NAALADL2: variants seen among roughly 807,000 people sequenced by gnomAD.
NAALADL2 encodes inactive N-acetylated-alpha-linked acidic dipeptidase-like protein 2.
In NAALADL2, 76 loss-of-function variants were observed where a neutral mutation model predicts 87.2. The ratio of observed to expected loss-of-function variants is 0.87; its 90% CI spans 0.72 to 1.05. The LOEUF is 1.05. NAALADL2 is among the 50% of genes least tolerant of loss of function. The pLI is 0.00. For synonymous variants in NAALADL2, 354 were observed against 331.0 expected, an observed-to-expected ratio of 1.07 and a Z score of -0.75; for missense variants, 1,089 against 945.8, an observed-to-expected ratio of 1.15 and a Z score of -1.99.
chr3:175,097,501 G>A (rs9875611), intron 2 of NAALADL2, among the ~76,000 whole-genome samples: 61,863 of 151,862 alleles, frequency 0.41, 13,021 homozygotes, highest in Non-Finnish European at 0.47. Context: ...AGTTTTATTA[G>A]TTACTAGTAA....
intron 11 of NAALADL2, among the ~76,000 whole-genome samples, chr3:175,649,572 C>T (rs1730469805): frequency 6.6e-6 from 1 of 152,004 alleles, no homozygotes; most frequent in Non-Finnish European, 1.5e-5. Flanking sequence ...TAAGAGTCTC[C>T]CCTTGGGTTG....
chr3:174,853,630 A>G (rs1049838560), intron 3 of NAALADL2, among the ~76,000 whole-genome samples: 3 of 152,154 alleles, frequency 2.0e-5, no homozygotes, highest in Non-Finnish European at 2.9e-5. Context: ...TTTGGAAACT[A>G]TTCATCTGAT....
intron 11 of NAALADL2, among the ~76,000 whole-genome samples, chr3:175,698,886 G>T (rs1213889258): frequency 6.6e-6 from 1 of 151,728 alleles, no homozygotes; most frequent in Non-Finnish European, 1.5e-5. Context: ...CAGCATGATA[G>T]AAATCCAAAT....
At chr3:175,514,124 A>C (rs1024159871) in intron 9 of NAALADL2, among the ~76,000 whole-genome samples, 1 of 152,218 alleles carries the variant, frequency 6.6e-6, no homozygotes, top group Non-Finnish European at 1.5e-5. Context: ...GGTCATGGTT[A>C]AGATTAATGT....
At chr3:175,274,825 A>AT (rs750452311) in intron 4 of NAALADL2, among the ~76,000 whole-genome samples, 1 of 152,116 alleles carries the variant, frequency 6.6e-6, no homozygotes, top group Non-Finnish European at 1.5e-5. Context: ...CTGGGCCCAT[A>AT]TTTTTTACAT....
At chr3:174,513,336 A>C (rs1181239367) in intron 1 of NAALADL2, among the ~76,000 whole-genome samples, 2 of 152,202 alleles carry the variant, frequency 1.3e-5, no homozygotes, top group African/African-American at 4.8e-5. Context: ...ATTTATTCTA[A>C]GTATCTACTT....
intron 10 of NAALADL2, among the ~76,000 whole-genome samples, chr3:175,598,778 A>T (rs1044683119): frequency 2.0e-5 from 3 of 152,136 alleles, no homozygotes; most frequent in Non-Finnish European, 4.4e-5. Context: ...CAGGTTACTT[A>T]ATCCTTCACA....
At chr3:175,564,105 T>C (rs949595996) in intron 9 of NAALADL2, among the ~76,000 whole-genome samples, 36 of 152,154 alleles carry the variant, frequency 2.4e-4, no homozygotes, top group African/African-American at 8.2e-4. Context: ...CACATCCTTT[T>C]GCCCTTCTGT....
chr3:175,281,109 ACTT>A (rs1440222480), intron 4 of NAALADL2, among the ~76,000 whole-genome samples: 10 of 131,714 alleles, frequency 7.6e-5, no homozygotes, highest in African/African-American at 3.1e-4. Flanking sequence ...AATAATTAAA[ACTT>A]AAAAAAAATA....
At chr3:175,013,302 T>TA (rs1491529571) in intron 1 of NAALADL2, among the ~76,000 whole-genome samples, 1,141 of 54,510 alleles carry the variant, frequency 0.021, 17 homozygotes, top group Non-Finnish European at 0.031. Flanking sequence ...TATATATATA[T>TA]TTTTTTTTTT....
rs147233294 is a variant in NAALADL2, at chr3:174,977,010, G to A, written c.43+117560G>A. Among the ~76,000 whole-genome samples, 602 of 152,202 alleles carry A rather than the reference G, an allele frequency of 4.0e-3. 3 individuals are homozygous for A. The highest frequency in any genetic ancestry group is 0.014 in the African/African-American group (564 of 41,536). ...ATGTCTGCATTAATAATTATATTCT[G>A]GAGATCAAGTAGGTATGTGTGAGAT... On this transcript the variant is annotated intron_variant, in intron 1 of 13. Coordinates refer to ENST00000454872, the MANE Select transcript of NAALADL2 (RefSeq NM_207015.3).
At chr3:175,802,649 A>C (rs1480548016) in intron 13 of NAALADL2, among the ~76,000 whole-genome samples, 1 of 116,512 alleles carries the variant, frequency 8.6e-6, no homozygotes, top group Non-Finnish European at 1.6e-5. Context: ...ATTGTGGTAT[A>C]ATTTATTTTT....
intron 2 of NAALADL2, among the ~76,000 whole-genome samples, chr3:174,713,072 C>T (rs577409389): frequency 6.6e-6 from 1 of 151,860 alleles, no homozygotes; most frequent in African/African-American, 2.4e-5. Flanking sequence ...TTTGTCCTTG[C>T]AATAGTTTGC....
At chr3:175,217,205 C>G (rs1039657798) in intron 2 of NAALADL2, among the ~76,000 whole-genome samples, 1 of 152,136 alleles carries the variant, frequency 6.6e-6, no homozygotes, top group Non-Finnish European at 1.5e-5. Context: ...CCCAGCTAGG[C>G]ACATATGGCC....
chr3:175,227,302 T>C (rs1027012533), intron 2 of NAALADL2, among the ~76,000 whole-genome samples: 1 of 151,962 alleles, frequency 6.6e-6, no homozygotes, highest in Non-Finnish European at 1.5e-5. Flanking sequence ...GAATTTTGTC[T>C]ACTAAAGCCA....
chr3:175,478,168 T>C (rs1449561422), intron 9 of NAALADL2, among the ~76,000 whole-genome samples: 1 of 151,998 alleles, frequency 6.6e-6, no homozygotes, highest in African/African-American at 2.4e-5. Flanking sequence ...AATTCTGTTT[T>C]CTTATTTACC....
At chr3:175,310,135 A>G (rs1405553817) in intron 4 of NAALADL2, among the ~76,000 whole-genome samples, 2 of 152,202 alleles carry the variant, frequency 1.3e-5, no homozygotes, top group East Asian at 1.9e-4. Flanking sequence ...CTTTAATGAT[A>G]ATACTCATTT....
intron 5 of NAALADL2, among the ~76,000 whole-genome samples, chr3:175,360,917 G>A (rs946237322): frequency 6.6e-6 from 1 of 150,392 alleles, no homozygotes; most frequent in Non-Finnish European, 1.5e-5. Context: ...TGTGTACAAC[G>A]TGCAGGTTTG....
chr3:175,357,875 G>A (rs1242089561), intron 5 of NAALADL2, among the ~76,000 whole-genome samples: 1 of 152,136 alleles, frequency 6.6e-6, no homozygotes. Flanking sequence ...GTAGGAAATG[G>A]TGAGGAAACA....
Sources: gnomAD v4.1 joint callset for allele counts (sites outside exome capture counted in the v4.1 genomes callset) on GRCh38, gnomAD v4.1.1 for gene constraint, MANE v1.5 for transcripts, NCBI Gene and HGNC (gene_info 2026-07-23, HGNC 2026-07-21) for gene names.